PCDHGA4: variants seen among roughly 807,000 people sequenced by gnomAD.
The protein encoded by PCDHGA4 is protocadherin gamma-A4.
A neutral mutation model predicts 54.6 loss-of-function variants in PCDHGA4; 38 were observed. The observed-to-expected ratio is 0.70, with a 90% CI of 0.54 to 0.91. The LOEUF is 0.91. Among genes scored for constraint, PCDHGA4 ranks in the 40% least tolerant of loss-of-function variants. The probability of loss-of-function intolerance (pLI) is 0.00; values close to 1 mark genes in which losing one functional copy is unlikely to be tolerated. For synonymous variants in PCDHGA4, 511 were observed against 512.9 expected, an observed-to-expected ratio of 1.00 and a Z score of 0.05; for missense variants, 1,298 against 1,220.9, an observed-to-expected ratio of 1.06 and a Z score of -0.94.
intron 1 of PCDHGA4, chr5:141,409,073 A>G (rs200127436): frequency 6.2e-7 from 1 of 1,613,866 alleles, no homozygotes. Context: ...CACAAAACAT[A>G]TGTTCTCATT....
In PCDHGA4 at chr5:141,477,844, G is replaced by A. The variant is rs748180474; in HGVS notation, c.2515-16963G>A. On this transcript the variant is annotated intron_variant, in intron 1 of 3. Coordinates refer to ENST00000571252, the MANE Select transcript of PCDHGA4 (RefSeq NM_018917.4). This position sits in a 1 kb window ranked among gnomAD's most constrained non-coding sequence, Gnocchi z 4.9. ...TATATCCTCGGCCAGGTGGGAGCTC[G>A]GTGGAGATGCTGCCTCGAGGTACCT... The A allele has an allele frequency of 6.2e-7, 1 of 1,613,394 alleles. No individual in the cohort carries two copies.
rs570765907 is a variant in PCDHGA4, at chr5:141,414,583, G to T, written c.2514+56962G>T. The T allele has an allele frequency of 5.6e-6, 9 of 1,613,854 alleles. No individual in the cohort carries two copies. In the South Asian group the frequency reaches 8.8e-5, roughly 16 times the overall value. On this transcript the variant is annotated intron_variant, in intron 1 of 3. Coordinates refer to ENST00000571252, the MANE Select transcript of PCDHGA4 (RefSeq NM_018917.4). Reference sequence around the variant, plus strand: ...CTTTACCTATATCCCAGAGAACAACGCCAGGGGTGCCTCCATCTTCTCAGT... The same window carrying T: ...CTTTACCTATATCCCAGAGAACAACTCCAGGGGTGCCTCCATCTTCTCAGT...
rs1219045744 is a variant in PCDHGA4 at position 141,476,783 on chromosome 5, G to T, written c.2515-18024G>T. The stretch of plus-strand genomic sequence containing the variant: ...GACGGCGTTGGACGGAGGGACCCCA[G>T]CTCTCTCCGCCAGCCTGCCTATTCA... On this transcript the variant is annotated intron_variant, in intron 1 of 3. Transcript: ENST00000571252. The surrounding 1 kb of genome is among the most constrained non-coding windows in gnomAD (Gnocchi z 7.6). 5 of 1,613,392 alleles carry T rather than the reference G, an allele frequency of 3.1e-6. No homozygotes were observed. The highest frequency in any genetic ancestry group is 2.7e-5 in the African/African-American group (2 of 74,930).
Position 141,485,172 on chromosome 5 carries a change from C to A in PCDHGA4, c.2515-9635C>A. ...CAAGTAGAGAATTAGCGGGCGGCAG[C>A]AATGCTCCGCAAGGTGAGAAGCTGG... On this transcript the variant is annotated intron_variant, in intron 1 of 3. Transcript: ENST00000571252. The surrounding 1 kb of genome is among the most constrained non-coding windows in gnomAD (Gnocchi z 5.7). 6.2e-7 allele frequency: 1 copy of A among 1,610,164 alleles called. No individual in the cohort carries two copies. The highest frequency in any genetic ancestry group is 8.5e-7 in the Non-Finnish European group (1 of 1,176,940).
chr5:141,467,912 G>A (rs879405529), intron 1 of PCDHGA4, among the ~76,000 whole-genome samples: 1 of 152,086 alleles, frequency 6.6e-6, no homozygotes, highest in Admixed American at 6.6e-5. Context: ...GCCCACCTCA[G>A]CCTCCCAAAA....
rs558730748 is a variant in PCDHGA4, at chr5:141,469,995, G to A, written c.2515-24812G>A. Reference sequence around the variant, plus strand: ...AAAATACAAAAATTAGCTGGTCGTCGTGGCACGCCTGTAATCCCAGCTACT... The same window carrying A: ...AAAATACAAAAATTAGCTGGTCGTCATGGCACGCCTGTAATCCCAGCTACT... On this transcript the variant is annotated intron_variant, in intron 1 of 3. Coordinates refer to ENST00000571252, the MANE Select transcript of PCDHGA4 (RefSeq NM_018917.4). Among the ~76,000 whole-genome samples, 8 of 152,194 alleles carry A rather than the reference G, an allele frequency of 5.3e-5. No homozygotes were observed. In the East Asian group the frequency reaches 5.8e-4, roughly 11 times the overall value.
intron 1 of PCDHGA4, chr5:141,387,800 T>G: frequency 4.6e-6 from 7 of 1,509,374 alleles, no homozygotes; most frequent in Non-Finnish European, 6.2e-6. Context: ...TAAAGTCCGT[T>G]CGGAGATCCA....
intron 1 of PCDHGA4, among the ~76,000 whole-genome samples, chr5:141,480,195 G>C (rs1350891459): frequency 6.6e-6 from 1 of 151,182 alleles, no homozygotes; most frequent in African/African-American, 2.4e-5. Flanking sequence ...CTTGAGGCCA[G>C]CAGTTCAAGA....
chr5:141,374,277 G>A, intron 1 of PCDHGA4: 4 of 1,613,958 alleles, frequency 2.5e-6, no homozygotes, highest in Non-Finnish European at 3.4e-6. Context: ...CACGGAGTCC[G>A]CATCGTCTCC....
intron 1 of PCDHGA4, among the ~76,000 whole-genome samples, chr5:141,379,981 C>A (rs968805615): frequency 1.5e-5 from 2 of 135,234 alleles, no homozygotes; most frequent in East Asian, 5.0e-4. Flanking sequence ...CTCACTGCAA[C>A]TTCCTCCTCC....
chr5:141,433,935 T>C (rs2097665519), intron 1 of PCDHGA4, among the ~76,000 whole-genome samples: 1 of 152,150 alleles, frequency 6.6e-6, no homozygotes, highest in African/African-American at 2.4e-5. Context: ...GATTTTATAA[T>C]TCCATTGTTT....
intron 1 of PCDHGA4, chr5:141,427,983 C>T (rs1390934748): frequency 1.3e-6 from 2 of 1,596,840 alleles, no homozygotes; most frequent in Admixed American, 1.7e-5. Flanking sequence ...CGCGCTGGGG[C>T]CCGATGGCTC....
chr5:141,484,121 C>A (rs1451102473), intron 1 of PCDHGA4, among the ~76,000 whole-genome samples: 1 of 152,152 alleles, frequency 6.6e-6, no homozygotes, highest in African/African-American at 2.4e-5. Context: ...TCAAGAATAC[C>A]TTGGTGTCAG....
intron 1 of PCDHGA4, chr5:141,364,359 G>A: frequency 6.4e-7 from 1 of 1,558,664 alleles, no homozygotes; most frequent in Non-Finnish European, 8.7e-7. Flanking sequence ...GGCTGGGGCT[G>A]CGGAGAGCTG....
chr5:141,441,764 C>A, intron 1 of PCDHGA4: 1 of 384,482 alleles, frequency 2.6e-6, no homozygotes, highest in South Asian at 2.1e-5. Flanking sequence ...TGAGCCTGCG[C>A]GTGTTGGTGG....
intron 1 of PCDHGA4, among the ~76,000 whole-genome samples, chr5:141,401,290 C>T (rs1460193254): frequency 6.6e-6 from 1 of 151,710 alleles, no homozygotes; most frequent in Non-Finnish European, 1.5e-5. Flanking sequence ...TGCGGTGAGC[C>T]GAGATCACTC....
At chr5:141,461,602 A>G (rs971808608) in intron 1 of PCDHGA4, among the ~76,000 whole-genome samples, 2 of 152,172 alleles carry the variant, frequency 1.3e-5, no homozygotes, top group African/African-American at 4.8e-5. Flanking sequence ...ATTATAATTT[A>G]GTTCAAAGTA....
intron 1 of PCDHGA4, among the ~76,000 whole-genome samples, chr5:141,439,422 A>C (rs1476209707): frequency 6.6e-6 from 1 of 152,188 alleles, no homozygotes; most frequent in Non-Finnish European, 1.5e-5. Context: ...TGAGGTTATA[A>C]ATTCCCAGGA....
chr5:141,370,011 A>G (rs1234949612), intron 1 of PCDHGA4, among the ~76,000 whole-genome samples: 2 of 152,266 alleles, frequency 1.3e-5, no homozygotes, highest in African/African-American at 4.8e-5. Flanking sequence ...TAAAAGAAAT[A>G]ACAGACTAAA....
Sources: allele counts gnomAD v4.1 joint callset (sites outside exome capture counted in the v4.1 genomes callset), GRCh38; gene constraint gnomAD v4.1.1; non-coding constraint Gnocchi (gnomAD v3.1); transcripts MANE v1.5; gene names NCBI Gene and HGNC (gene_info 2026-07-23, HGNC 2026-07-21).